The following LRRIQ1 variants were observed in gnomAD, a reference collection of about 807,000 sequenced individuals.
LRRIQ1 encodes the protein leucine rich repeats and IQ motif containing 1.
In LRRIQ1, 210 loss-of-function variants were observed where a neutral mutation model predicts 211.9. The observed-to-expected ratio is 0.99, with a 90% CI of 0.89 to 1.11. LRRIQ1 has a LOEUF of 1.11. Among genes scored for constraint, LRRIQ1 ranks in the 50% most tolerant of loss-of-function variants. The pLI, the probability that LRRIQ1 is intolerant of heterozygous loss-of-function variation, is 0.00. For synonymous variants in LRRIQ1, 699 were observed against 650.1 expected (o/e 1.08, Z -1.14); for missense variants, 2,136 against 1,939.5 (o/e 1.10, Z -1.90).
At chr12:85,135,294 C>T (rs1471943337) in intron 18 of LRRIQ1, among the ~76,000 whole-genome samples, 1 of 151,508 alleles carries the variant, frequency 6.6e-6, no homozygotes. Flanking sequence ...ATACTAAGAT[C>T]TACTGTTTGT....
chr12:85,244,714 G>C (rs2137275659), intron 26 of LRRIQ1, 75 bp from the exon 27 acceptor site: 1 of 1,243,916 alleles, frequency 8.0e-7, no homozygotes, highest in South Asian at 1.3e-5. Flanking sequence ...TGTTTATTTG[G>C]GGTAATGTGA....
At chr12:85,206,324 T>G (rs1893541669) in intron 24 of LRRIQ1, among the ~76,000 whole-genome samples, 1 of 152,150 alleles carries the variant, frequency 6.6e-6, no homozygotes, top group African/African-American at 2.4e-5. Context: ...GGTAGTGGCA[T>G]AAGGCAGGTG....
At chr12:85,039,023 G>A (rs1293114518) in intron 2 of LRRIQ1, among the ~76,000 whole-genome samples, 1 of 150,996 alleles carries the variant, frequency 6.6e-6, no homozygotes, top group Non-Finnish European at 1.5e-5. Flanking sequence ...TTAAAGATTT[G>A]AGAACTTTGT....
chr12:85,063,042 T>C (rs1382870584), intron 8 of LRRIQ1, among the ~76,000 whole-genome samples: 1 of 151,856 alleles, frequency 6.6e-6, no homozygotes, highest in Non-Finnish European at 1.5e-5. Context: ...CACTTCTTCA[T>C]GGGGTTATTT....
At chr12:85,235,804 TACAATG>T (rs1895148585) in intron 26 of LRRIQ1, among the ~76,000 whole-genome samples, 1 of 152,174 alleles carries the variant, frequency 6.6e-6, no homozygotes, top group Non-Finnish European at 1.5e-5. Context: ...CATCCAATAT[TACAATG>T]GTTGTTGCAA....
chr12:85,205,450 G>A (rs765438941), intron 24 of LRRIQ1, among the ~76,000 whole-genome samples: 1 of 152,118 alleles, frequency 6.6e-6, no homozygotes, highest in African/African-American at 2.4e-5. Flanking sequence ...GGCTTGTAGG[G>A]TTTCTCCTGA....
chr12:85,072,906 G>A lies in LRRIQ1; in HGVS notation c.2696-1G>A. The A allele has an allele frequency of 6.2e-7, 1 of 1,605,834 alleles. No homozygotes were observed. Among genetic ancestry groups the A allele is most frequent in the East Asian group, 2.2e-5 (1 of 44,628 alleles). ...GGTCTTAATTCTGTCATCCTACTCAGGATATTCCTTCTTTCTGGAAGAAAA... is the reference window on the plus strand; with the variant it reads ...GGTCTTAATTCTGTCATCCTACTCAAGATATTCCTTCTTTCTGGAAGAAAA... On this transcript the variant is annotated splice_acceptor_variant, in intron 10 of 26. Coordinates refer to ENST00000393217, the MANE Select transcript of LRRIQ1 (RefSeq NM_001079910.2). LOFTEE classifies it high-confidence loss of function.
At chr12:85,068,941 A>T (rs1882748137) in intron 10 of LRRIQ1, among the ~76,000 whole-genome samples, 1 of 150,386 alleles carries the variant, frequency 6.6e-6, no homozygotes. Context: ...TTATTTATTT[A>T]ATTTTATTAT....
At chr12:85,131,145 G>A (rs1334634655) in intron 18 of LRRIQ1, among the ~76,000 whole-genome samples, 1 of 150,284 alleles carries the variant, frequency 6.7e-6, no homozygotes, top group Non-Finnish European at 1.5e-5. Context: ...CAGAGGGGAA[G>A]GAGGTTGCAG....
intron 24 of LRRIQ1, among the ~76,000 whole-genome samples, chr12:85,193,345 A>G (rs61930052): frequency 1.7e-5 from 2 of 121,180 alleles, no homozygotes; most frequent in African/African-American, 6.4e-5. Flanking sequence ...CTCCTCGAGA[A>G]GAGCAACTCC....
chr12:85,144,759 A>G (rs1375165189), intron 19 of LRRIQ1, among the ~76,000 whole-genome samples: 1 of 151,628 alleles, frequency 6.6e-6, no homozygotes, highest in East Asian at 1.9e-4. Context: ...ATAGAATGTT[A>G]TTATTGGGTT....
intron 24 of LRRIQ1, among the ~76,000 whole-genome samples, chr12:85,212,165 G>T (rs1344230264): frequency 6.6e-6 from 1 of 151,840 alleles, no homozygotes; most frequent in Non-Finnish European, 1.5e-5. Flanking sequence ...TGCACCTGTA[G>T]TCCCAGCTGC....
At chr12:85,197,701 A>G (rs1893001896) in intron 24 of LRRIQ1, among the ~76,000 whole-genome samples, 1 of 151,602 alleles carries the variant, frequency 6.6e-6, no homozygotes, top group Non-Finnish European at 1.5e-5. Flanking sequence ...GTGGGGAGGG[A>G]TAGCATCGGG....
rs1349255375 is a variant in LRRIQ1 at position 85,056,391 on chromosome 12, A to C, written c.1598A>C (p.Asp533Ala). 1 of 1,588,756 alleles carries C rather than the reference A, an allele frequency of 6.3e-7. No individual in the cohort carries two copies. The highest frequency in any genetic ancestry group is 8.5e-7 in the Non-Finnish European group (1 of 1,173,538). Residue 533 changes from aspartate (D) to alanine (A), a missense_variant, in exon 8 of 27, where the codon GAT becomes GCT. Physicochemically the swap from Asp to Ala is moderately radical, Grantham distance 126 (BLOSUM62 -2). Coordinates refer to ENST00000393217, the MANE Select transcript of LRRIQ1 (RefSeq NM_001079910.2). ...TTTCCATTGCAAGAATTAAAGTCTGATGCACAAAAAGAAGAAAAAATCATG... is the reference window on the plus strand; with the variant it reads ...TTTCCATTGCAAGAATTAAAGTCTGCTGCACAAAAAGAAGAAAAAATCATG... ...EQFPLQELKS[D>A]AQKEEKIMKH...
chr12:85,244,175 G>A (rs1282191574), intron 26 of LRRIQ1, among the ~76,000 whole-genome samples: 1 of 151,294 alleles, frequency 6.6e-6, no homozygotes, highest in African/African-American at 2.4e-5. Context: ...CAAATTCAAA[G>A]GCAATTTGAG....
At chr12:85,055,093 A>G (rs1055290853) in intron 7 of LRRIQ1, among the ~76,000 whole-genome samples, 6 of 152,106 alleles carry the variant, frequency 3.9e-5, no homozygotes, top group Non-Finnish European at 5.9e-5. Flanking sequence ...TCTTGGTACC[A>G]TAAGTTTCAC....
chr12:85,251,777 C>CAAAA lies in LRRIQ1; in HGVS notation c.121+6878_121+6881dup, dbSNP rs11415458. On this transcript the variant is annotated intron_variant, in intron 1 of 1. Coordinates refer to the LRRIQ1 transcript ENST00000602731. ...TATTTTGGACTCACGAGAAGTGGCG[C>CAAAA]AAAAAAAAAAAAACAGATATAGAGG... 6.6e-3 allele frequency among the ~76,000 whole-genome samples: 766 copies of CAAAA among 116,864 alleles called. 16 individuals carry two copies. Among genetic ancestry groups the CAAAA allele is most frequent in the African/African-American group, 0.02 (715 of 36,478 alleles). The allele number at this position is 116,864 out of a possible 152,430, so 76.7% of individuals were successfully genotyped here.
intron 24 of LRRIQ1, among the ~76,000 whole-genome samples, chr12:85,205,192 G>T (rs1013175033): frequency 2.0e-5 from 3 of 152,140 alleles, no homozygotes; most frequent in African/African-American, 7.2e-5. Flanking sequence ...CTCCATGATT[G>T]TGAGGCTTCC....
intron 1 of LRRIQ1, among the ~76,000 whole-genome samples, chr12:85,259,752 G>A (rs1896230799): frequency 6.6e-6 from 1 of 152,054 alleles, no homozygotes; most frequent in Non-Finnish European, 1.5e-5. Context: ...ATTACACAAT[G>A]TGCTTTTTAA....
Sources: allele counts gnomAD v4.1 joint callset (sites outside exome capture counted in the v4.1 genomes callset), GRCh38; gene constraint gnomAD v4.1.1; transcripts MANE v1.5; gene names NCBI Gene and HGNC (gene_info 2026-07-23, HGNC 2026-07-21).